NVL: variants seen among roughly 807,000 people sequenced by gnomAD.
The protein encoded by NVL is nuclear valosin-containing protein-like.
In NVL, 84 loss-of-function variants were observed where a neutral mutation model predicts 110.2. The ratio of observed to expected loss-of-function variants is 0.76; its 90% CI spans 0.64 to 0.91. NVL has a LOEUF of 0.91. NVL is among the 40% of genes least tolerant of loss of function. The pLI is 0.00. For synonymous variants in NVL, 354 were observed against 361.1 expected (o/e 0.98, Z 0.22); for missense variants, 882 against 1,035.9 (o/e 0.85, Z 2.04).
chr1:224,245,409 C>A (rs1027377443), intron 19 of NVL, among the ~76,000 whole-genome samples: 1 of 152,168 alleles, frequency 6.6e-6, no homozygotes, highest in African/African-American at 2.4e-5. Flanking sequence ...TGTGAAATTG[C>A]ACTGCTAACA....
At position 224,308,016 on chromosome 1, in the gene NVL, G is replaced by A. The variant is rs776316720; in HGVS notation, c.590C>T (p.Pro197Leu). 1.4e-5 allele frequency: 21 copies of A among 1,543,846 alleles called. No individual in the cohort carries two copies. Among genetic ancestry groups the A allele is most frequent in the Non-Finnish European group, 1.8e-5 (21 of 1,149,108 alleles). The change falls in exon 6 of 23, where the codon CCT (proline) becomes CTT (leucine). Residue 197 changes from proline (P) to leucine (L), a missense_variant. Pro to Leu is a moderately conservative substitution (Grantham distance 98). Coordinates refer to ENST00000281701, the MANE Select transcript of NVL (RefSeq NM_002533.4). ...FLDLSCEKSN[P>L]KKPITEIQDS... ...CTGTATCTCAGTTATTGGCTTCTTA[G>A]GATTACTTTTCTCACATGACAGGTC...
At chr1:224,314,423 CAA>C (rs1669861033) in intron 4 of NVL, among the ~76,000 whole-genome samples, 1 of 152,220 alleles carries the variant, frequency 6.6e-6, no homozygotes, top group East Asian at 1.9e-4. Context: ...AAAAGGATAA[CAA>C]GAGAATATTG....
chr1:224,303,292 G>A (rs531525774), intron 9 of NVL, among the ~76,000 whole-genome samples: 18 of 151,954 alleles, frequency 1.2e-4, no homozygotes, highest in Admixed American at 3.3e-4. Flanking sequence ...AAAATCAGCC[G>A]GGCGTGGTGG....
chr1:224,309,978 G>A (rs144054677), intron 5 of NVL, among the ~76,000 whole-genome samples: 11 of 151,384 alleles, frequency 7.3e-5, no homozygotes, highest in East Asian at 3.9e-4. Flanking sequence ...GCAGTGAGCC[G>A]AGATGACACC....
intron 12 of NVL, among the ~76,000 whole-genome samples, chr1:224,293,070 ATTTTTTTTT>A (rs1157220455): frequency 1.6e-5 from 2 of 125,144 alleles, no homozygotes; most frequent in Non-Finnish European, 3.4e-5. Flanking sequence ...TTTCAGAACA[ATTTTTTTTT>A]TTTTTTTTGA....
chr1:224,272,291 G>A (rs1303357048), intron 17 of NVL, among the ~76,000 whole-genome samples: 1 of 151,720 alleles, frequency 6.6e-6, no homozygotes, highest in Non-Finnish European at 1.5e-5. Flanking sequence ...GTTGCGAAGA[G>A]CTGAGATCGC....
chr1:224,276,687 A>G (rs1665793029), intron 16 of NVL, among the ~76,000 whole-genome samples: 1 of 152,084 alleles, frequency 6.6e-6, no homozygotes, highest in Non-Finnish European at 1.5e-5. Flanking sequence ...TCCTTTTGGT[A>G]CTTTTCTTTG....
At chr1:224,266,870 C>T (rs1294300371) in intron 18 of NVL, among the ~76,000 whole-genome samples, 1 of 152,220 alleles carries the variant, frequency 6.6e-6, no homozygotes. Context: ...CATCATTTAA[C>T]TTTTGTGGCA....
chr1:224,265,487 GAC>G (rs1664410715), intron 18 of NVL, among the ~76,000 whole-genome samples: 1 of 152,072 alleles, frequency 6.6e-6, no homozygotes, highest in Non-Finnish European at 1.5e-5. Flanking sequence ...CTGGGCAGTA[GAC>G]CAAGACTCTG....
intron 4 of NVL, among the ~76,000 whole-genome samples, chr1:224,314,447 T>G (rs960686091): frequency 6.6e-6 from 1 of 152,212 alleles, no homozygotes; most frequent in Non-Finnish European, 1.5e-5. Flanking sequence ...AGAAGCATTA[T>G]GCCACCAAAT....
chr1:224,247,922 G>T (rs1295768481), intron 19 of NVL, among the ~76,000 whole-genome samples: 1 of 152,208 alleles, frequency 6.6e-6, no homozygotes, highest in African/African-American at 2.4e-5. Context: ...GTTCCCTGGG[G>T]ACGTGAGGTG....
At chr1:224,237,243 G>C (rs946260703) in intron 19 of NVL, among the ~76,000 whole-genome samples, 1 of 152,344 alleles carries the variant, frequency 6.6e-6, no homozygotes, top group South Asian at 2.1e-4. Flanking sequence ...GTGTTGGTGT[G>C]AGGCTGGCTA....
At chr1:224,272,858 C>T (rs1316595140) in intron 17 of NVL, among the ~76,000 whole-genome samples, 2 of 149,428 alleles carry the variant, frequency 1.3e-5, no homozygotes, top group African/African-American at 4.9e-5. Context: ...AACGGTGAAA[C>T]CCCGTCTCTA....
chr1:224,309,663 A>G (rs1383682146), intron 5 of NVL, among the ~76,000 whole-genome samples: 3 of 152,240 alleles, frequency 2.0e-5, no homozygotes, highest in East Asian at 3.8e-4. Context: ...ATGAACCTCA[A>G]TGGAAAATAT....
chr1:224,244,714 G>C (rs1039109617), intron 19 of NVL, among the ~76,000 whole-genome samples: 1 of 148,136 alleles, frequency 6.8e-6, no homozygotes, highest in Non-Finnish European at 1.5e-5. Flanking sequence ...TTGAGATGGA[G>C]TCTCACTCTG....
At chr1:224,296,670 G>A in intron 10 of NVL, 52 bp from the exon 11 acceptor site, 1 of 1,081,544 alleles carries the variant, frequency 9.2e-7, no homozygotes, top group Non-Finnish European at 1.4e-6. Context: ...CCCCTATACT[G>A]AAGCACAATT....
At chr1:224,326,330 A>T in intron 2 of NVL, 61 bp downstream of exon 2, 5 of 1,255,240 alleles carry the variant, frequency 4.0e-6, no homozygotes, top group Non-Finnish European at 5.7e-6. Flanking sequence ...GCAGGATATA[A>T]ACTTTTAAAA....
At chr1:224,256,466 C>T (rs1663269195) in intron 18 of NVL, among the ~76,000 whole-genome samples, 1 of 140,580 alleles carries the variant, frequency 7.1e-6, no homozygotes, top group South Asian at 2.3e-4. Flanking sequence ...AAACTCCCCA[C>T]AAAACACATC....
intron 2 of NVL, among the ~76,000 whole-genome samples, chr1:224,321,704 C>T (rs1017021244): frequency 6.7e-5 from 10 of 149,334 alleles, no homozygotes; most frequent in African/African-American, 1.5e-4. Flanking sequence ...TGCAGTGAGC[C>T]GAGATTGCCC....
Sources: allele counts gnomAD v4.1 joint callset (sites outside exome capture counted in the v4.1 genomes callset), GRCh38; gene constraint gnomAD v4.1.1; transcripts MANE v1.5; gene names NCBI Gene and HGNC (gene_info 2026-07-23, HGNC 2026-07-21).